Variants in AKR1C8 observed in about 807,000 individuals in gnomAD.
AKR1C8 encodes the protein aldo-keto reductase family 1 member C8, also known as aldo-keto reductase family 1 member C-like protein 1.
the AKR1C8 span, among the ~76,000 whole-genome samples, chr10:5,147,151 A>G: frequency 6.6e-6 from 1 of 152,114 alleles, no homozygotes. Flanking sequence ...TAGGAAAGCA[A>G]TAGAAGGCGA....
the AKR1C8 span, among the ~76,000 whole-genome samples, chr10:5,147,687 C>A: frequency 2.0e-5 from 3 of 152,156 alleles, no homozygotes; most frequent in East Asian, 5.8e-4. Context: ...AAAGGGCCAG[C>A]TCTCAAGCAT....
the AKR1C8 span, among the ~76,000 whole-genome samples, chr10:5,168,343 C>T: frequency 2.0e-5 from 3 of 151,922 alleles, no homozygotes; most frequent in African/African-American, 7.3e-5. Flanking sequence ...TCCCAGGTGC[C>T]CCAGCCCTTC....
chr10:5,145,308 A>T, the AKR1C8 span, among the ~76,000 whole-genome samples: 2 of 152,166 alleles, frequency 1.3e-5, no homozygotes, highest in Non-Finnish European at 2.9e-5. Context: ...TGTCTAAAAC[A>T]CCAAAAGCAA....
chr10:5,141,805 C>T, the AKR1C8 span, among the ~76,000 whole-genome samples: 8 of 152,080 alleles, frequency 5.3e-5, no homozygotes, highest in African/African-American at 1.9e-4. Context: ...CTATAAAGAG[C>T]TATGCTGTAA....
the AKR1C8 span, among the ~76,000 whole-genome samples, chr10:5,155,968 T>A: frequency 6.6e-6 from 1 of 152,176 alleles, no homozygotes; most frequent in Non-Finnish European, 1.5e-5. Context: ...ATCCCTCTCC[T>A]ACTGGGCTCC....
the AKR1C8 span, among the ~76,000 whole-genome samples, chr10:5,179,590 A>T: frequency 2.0e-5 from 3 of 149,668 alleles, no homozygotes; most frequent in Non-Finnish European, 4.4e-5. Flanking sequence ...ACTTGGTTCC[A>T]TTCTCCCCAT....
chr10:5,121,156 A>G, the AKR1C8 span, among the ~76,000 whole-genome samples: 23 of 152,102 alleles, frequency 1.5e-4, no homozygotes, highest in South Asian at 4.4e-3. Flanking sequence ...CCCTATTTCT[A>G]CACTCCCCTC....
At chr10:5,134,042 T>C in the AKR1C8 span, among the ~76,000 whole-genome samples, 9 of 152,298 alleles carry the variant, frequency 5.9e-5, no homozygotes, top group Admixed American at 3.9e-4. Context: ...ATTTGAAAGG[T>C]ACATTTTTTA....
the AKR1C8 span, among the ~76,000 whole-genome samples, chr10:5,179,213 G>A: frequency 2.6e-5 from 4 of 152,132 alleles, no homozygotes; most frequent in Non-Finnish European, 5.9e-5. Context: ...TGTCTGTAAA[G>A]TATTTTATTT....
chr10:5,163,140 G>A, the AKR1C8 span: 33 of 400,558 alleles, frequency 8.2e-5, no homozygotes, highest in African/African-American at 2.7e-4. Flanking sequence ...TTGATGACAC[G>A]GGTTTCAGTG....
the AKR1C8 span, among the ~76,000 whole-genome samples, chr10:5,146,918 G>C: frequency 6.6e-6 from 1 of 152,158 alleles, no homozygotes. Context: ...CTGGTTCTAG[G>C]TGTGTAGAGA....
the AKR1C8 span, among the ~76,000 whole-genome samples, chr10:5,128,886 A>T: frequency 6.6e-6 from 1 of 152,122 alleles, no homozygotes; most frequent in Non-Finnish European, 1.5e-5. Flanking sequence ...ATCAAGGCAG[A>T]AAGTAAATAG....
chr10:5,159,986 T>C, the AKR1C8 span: 2 of 365,506 alleles, frequency 5.5e-6, 1 homozygote, highest in Admixed American at 6.4e-5. Flanking sequence ...TAAACCTGCT[T>C]CTTTGCACTT....
chr10:5,123,054 T>A, the AKR1C8 span, among the ~76,000 whole-genome samples: 1 of 152,212 alleles, frequency 6.6e-6, no homozygotes, highest in East Asian at 1.9e-4. Flanking sequence ...AACTTAATGT[T>A]GAAACCCAAA....
the AKR1C8 span, chr10:5,154,032 C>A: frequency 3.5e-6 from 1 of 287,876 alleles, no homozygotes; most frequent in African/African-American, 2.2e-5. Context: ...GAAAGGCAAG[C>A]AACCTGCAAC....
At chr10:5,134,547 C>A in the AKR1C8 span, among the ~76,000 whole-genome samples, 2 of 152,102 alleles carry the variant, frequency 1.3e-5, no homozygotes, top group African/African-American at 4.8e-5. Flanking sequence ...ATTTCTCCTT[C>A]GAGGTTCTAG....
chr10:5,172,230 CT>C, the AKR1C8 span, among the ~76,000 whole-genome samples: 1 of 152,046 alleles, frequency 6.6e-6, no homozygotes, highest in Non-Finnish European at 1.5e-5. Flanking sequence ...TGCATAAATT[CT>C]CTTTTATAAA....
chr10:5,144,060 G>A, the AKR1C8 span, among the ~76,000 whole-genome samples: 1 of 152,004 alleles, frequency 6.6e-6, no homozygotes, highest in Non-Finnish European at 1.5e-5. Flanking sequence ...GAATAGTTAT[G>A]GAAAATTATT....
chr10:5,139,207 T>A, the AKR1C8 span, among the ~76,000 whole-genome samples: 725 of 152,158 alleles, frequency 4.8e-3, no homozygotes, highest in Non-Finnish European at 8.5e-3. Flanking sequence ...ATCAATATGG[T>A]GAAAATGGCC....
Sources: gnomAD v4.1 joint callset for allele counts (sites outside exome capture counted in the v4.1 genomes callset) on GRCh38, gnomAD v4.1.1 for gene constraint, MANE v1.5 for transcripts, NCBI Gene and HGNC (gene_info 2026-07-23, HGNC 2026-07-21) for gene names.